TPP2: variants seen among roughly 807,000 people sequenced by gnomAD.
The protein encoded by TPP2 is tripeptidyl peptidase 2, also known as tripeptidyl-peptidase 2.
TPP2 carries 34 observed loss-of-function variants against 155.9 expected under a neutral mutation model. The observed-to-expected ratio is 0.22, with a 90% CI of 0.17 to 0.29. The LOEUF is 0.29. Among genes scored for constraint, TPP2 ranks in the 10% least tolerant of loss-of-function variants. The pLI, the probability that TPP2 is intolerant of heterozygous loss-of-function variation, is 1.00. For synonymous variants in TPP2, 510 were observed against 529.4 expected (o/e 0.96, Z 0.50); for missense variants, 1,028 against 1,522.3 (o/e 0.68, Z 5.40).
At chr13:102,628,451 A>G (rs1881793428) in intron 8 of TPP2, among the ~76,000 whole-genome samples, 1 of 152,128 alleles carries the variant, frequency 6.6e-6, no homozygotes, top group Non-Finnish European at 1.5e-5. Flanking sequence ...CTTGCATCTC[A>G]TCTGCAAAAC....
intron 2 of TPP2, among the ~76,000 whole-genome samples, chr13:102,611,645 C>T (rs943328528): frequency 2.0e-5 from 3 of 152,026 alleles, no homozygotes; most frequent in African/African-American, 4.8e-5. Context: ...AGTGACAGAG[C>T]GAGACTCCTT....
chr13:102,643,543 G>C (rs928992010), intron 17 of TPP2, among the ~76,000 whole-genome samples, 167 bp downstream of exon 17: 9 of 152,024 alleles, frequency 5.9e-5, no homozygotes, highest in Admixed American at 2.0e-4. Flanking sequence ...ATCTAATCAG[G>C]GTACTTGAAA....
intron 18 of TPP2, 91 bp downstream of exon 18, chr13:102,644,764 G>C (rs1449939785): frequency 3.5e-6 from 5 of 1,418,298 alleles, no homozygotes; most frequent in Non-Finnish European, 4.9e-6. Flanking sequence ...CTTTAATGAG[G>C]GGAAATTACC....
At chr13:102,633,205 A>G (rs1375016560) in intron 10 of TPP2, among the ~76,000 whole-genome samples, 1 of 152,148 alleles carries the variant, frequency 6.6e-6, no homozygotes, top group Non-Finnish European at 1.5e-5. Flanking sequence ...TAATGTGGTT[A>G]TGAATTCTGA....
chr13:102,635,748 TA>T, intron 12 of TPP2, 46 bp downstream of exon 12: 1 of 1,376,986 alleles, frequency 7.3e-7, no homozygotes, highest in South Asian at 1.2e-5. Flanking sequence ...ATCATTGAGA[TA>T]ATATCTTAGA....
chr13:102,599,906 A>G (rs1198364883), intron 1 of TPP2, among the ~76,000 whole-genome samples: 1 of 151,616 alleles, frequency 6.6e-6, no homozygotes, highest in Non-Finnish European at 1.5e-5. Flanking sequence ...GAATATATGT[A>G]TGCAATAGCC....
chr13:102,611,089 T>C (rs896796530), intron 2 of TPP2, among the ~76,000 whole-genome samples: 5 of 152,204 alleles, frequency 3.3e-5, no homozygotes, highest in Non-Finnish European at 7.3e-5. Flanking sequence ...CTTGGTGTTG[T>C]GAGATTTCAG....
At chr13:102,597,735 G>C (rs1879082804) in intron 1 of TPP2, among the ~76,000 whole-genome samples, 1 of 152,248 alleles carries the variant, frequency 6.6e-6, no homozygotes, top group African/African-American at 2.4e-5. Flanking sequence ...TTTAGGGATC[G>C]GGAGATTTGG....
intron 25 of TPP2, among the ~76,000 whole-genome samples, chr13:102,658,683 C>T (rs1365337981): frequency 1.3e-5 from 2 of 152,334 alleles, no homozygotes; most frequent in Middle Eastern, 3.4e-3. Context: ...TGAACCAAGA[C>T]CACTGCCTCC....
chr13:102,597,063 C>G lies in TPP2; in HGVS notation c.25C>G (p.Pro9Ala). 3 of 1,612,032 alleles carry G rather than the reference C, an allele frequency of 1.9e-6. No individual in the cohort carries two copies. The highest frequency in any genetic ancestry group is 2.5e-6 in the Non-Finnish European group (3 of 1,179,554). MATAATEE[P>A]FPFHGLLPKK... The stretch of plus-strand genomic sequence containing the variant: ...CATGGCCACCGCTGCGACTGAGGAG[C>G]CCTTCCCTTTTCACGGTCTCCTGCC... The change falls in exon 1 of 30, where the codon CCC (proline) becomes GCC (alanine). Residue 9 changes from proline (P) to alanine (A), a missense_variant. Around this residue, in one of 7 missense-constraint regions of TPP2, gnomAD observed 300 missense variants for 398.3 expected, o/e 0.75. Transcript: ENST00000376052.
chr13:102,652,212 CA>C (rs1883541404), intron 24 of TPP2, among the ~76,000 whole-genome samples: 1 of 151,636 alleles, frequency 6.6e-6, no homozygotes, highest in Admixed American at 6.6e-5. Context: ...CCTGTCTCTA[CA>C]AAAAAATGCA....
At position 102,635,707 on chromosome 13, in the gene TPP2, T is replaced by C; in HGVS notation, c.1509+5T>C. 6.2e-7 allele frequency: 1 copy of C among 1,600,226 alleles called. No homozygotes were observed. Among genetic ancestry groups the C allele is most frequent in the Non-Finnish European group, 8.6e-7 (1 of 1,169,490 alleles). ...CAAGGACATGGTATTATTCAGGTATTGTTGCCTATATGAAAAATGGGTTGT... is the reference window on the plus strand; with the variant it reads ...CAAGGACATGGTATTATTCAGGTATCGTTGCCTATATGAAAAATGGGTTGT... On this transcript the variant is annotated splice_donor_5th_base_variant and intron_variant, in intron 12 of 29. Coordinates refer to ENST00000376052, the MANE Select transcript of TPP2 (RefSeq NM_001330588.2).
chr13:102,604,331 C>T (rs1879654084), intron 1 of TPP2, among the ~76,000 whole-genome samples: 1 of 152,204 alleles, frequency 6.6e-6, no homozygotes, highest in Non-Finnish European at 1.5e-5. Context: ...AAACCCCACA[C>T]TGACCATCTC....
At chr13:102,611,739 A>G (rs544186670) in intron 2 of TPP2, among the ~76,000 whole-genome samples, 4 of 152,376 alleles carry the variant, frequency 2.6e-5, no homozygotes, top group African/African-American at 7.2e-5. Flanking sequence ...ATATTCTCCT[A>G]TATTTCTAAG....
At chr13:102,658,432 A>G (rs1016658639) in intron 25 of TPP2, among the ~76,000 whole-genome samples, 2 of 152,242 alleles carry the variant, frequency 1.3e-5, no homozygotes, top group Non-Finnish European at 2.9e-5. Context: ...TGTCATAAAC[A>G]GTTGACAATA....
chr13:102,636,290 A>T lies in TPP2; in HGVS notation c.1576A>T (p.Thr526Ser). 6.2e-7 allele frequency: 1 copy of T among 1,613,850 alleles called. No individual in the cohort carries two copies. Among genetic ancestry groups the T allele is most frequent in the Non-Finnish European group, 8.5e-7 (1 of 1,179,902 alleles). The change falls in exon 13 of 30, where the codon ACT becomes TCT. Residue 526 changes from threonine (T) to serine (S), a missense_variant. Physicochemically the swap from Thr to Ser is moderately conservative, Grantham distance 58 (BLOSUM62 1). Around this residue, in one of 7 missense-constraint regions of TPP2, gnomAD observed 325 missense variants for 463.7 expected, o/e 0.70. Transcript: ENST00000376052. Reference sequence around the variant, plus strand: ...TGCTAATAAATTAGGTTTTACTGTTACTGTTGGAAATAACCGTGGCATCTA... The same window carrying T: ...TGCTAATAAATTAGGTTTTACTGTTTCTGTTGGAAATAACCGTGGCATCTA... ...SFANKLGFTV[T>S]VGNNRGIYLR...
Position 102,638,228 on chromosome 13 carries a change from C to A in TPP2, c.1837-11C>A, listed in dbSNP as rs1882518548. 1.3e-5 allele frequency: 21 copies of A among 1,610,898 alleles called. No homozygotes were observed. Among genetic ancestry groups the A allele is most frequent in the Non-Finnish European group, 1.8e-5 (21 of 1,179,394 alleles). On this transcript the variant is annotated splice_polypyrimidine_tract_variant and intron_variant, in intron 14 of 29. Transcript: ENST00000376052. ...TTATGGATATTGACACTTACCGATT[C>A]TTTTTTCAAGGTATGTGGCTATGAT...
intron 1 of TPP2, among the ~76,000 whole-genome samples, chr13:102,603,569 C>G (rs1474105651): frequency 6.6e-6 from 1 of 152,074 alleles, no homozygotes; most frequent in Non-Finnish European, 1.5e-5. Flanking sequence ...TGGCATGTTT[C>G]AGGAATTGAA....
At chr13:102,640,897 G>T (rs72651354) in intron 16 of TPP2, among the ~76,000 whole-genome samples, 1 of 151,932 alleles carries the variant, frequency 6.6e-6, no homozygotes, top group African/African-American at 2.4e-5. Flanking sequence ...TGATACACTC[G>T]CCTCGTCCTC....
Sources: gnomAD v4.1 joint callset for allele counts (sites outside exome capture counted in the v4.1 genomes callset) on GRCh38, gnomAD v4.1.1 for gene constraint, gnomAD v4.1.1 regional missense constraint, MANE v1.5 for transcripts, NCBI Gene and HGNC (gene_info 2026-07-23, HGNC 2026-07-21) for gene names.